The following PTPRO variants were observed in gnomAD, a reference collection of about 807,000 sequenced individuals.
The protein encoded by PTPRO is receptor-type tyrosine-protein phosphatase O.
In PTPRO, 62 loss-of-function variants were observed where a neutral mutation model predicts 145.2. That is an observed-to-expected ratio of 0.43 (90% confidence interval 0.35 to 0.53). The LOEUF (loss-of-function observed/expected upper bound fraction) is 0.53, where lower values mean the gene tolerates loss of function less well. Ranked by LOEUF, PTPRO falls within the 20% of genes least tolerant of loss-of-function variation. PTPRO has a pLI of 0.01. For missense variants in PTPRO, 1,345 were observed against 1,482.7 expected (o/e 0.91, Z 1.53); for synonymous variants, 565 against 514.7 (o/e 1.10, Z -1.32).
chr12:15,511,752 G>A (rs534494615), intron 7 of PTPRO, among the ~76,000 whole-genome samples: 1 of 152,262 alleles, frequency 6.6e-6, no homozygotes, highest in Non-Finnish European at 1.5e-5. Context: ...TTTTAGTTGA[G>A]ACGGGGTTTC....
chr12:15,397,228 C>G (rs933653286), intron 1 of PTPRO, among the ~76,000 whole-genome samples: 1 of 152,108 alleles, frequency 6.6e-6, no homozygotes, highest in Admixed American at 6.6e-5. Flanking sequence ...ATTTATATTT[C>G]TAACAACTGT....
intron 1 of PTPRO, among the ~76,000 whole-genome samples, chr12:15,430,766 T>A (rs1027703862): frequency 3.3e-5 from 5 of 152,210 alleles, no homozygotes; most frequent in Admixed American, 2.0e-4. Flanking sequence ...AATGCAATGT[T>A]AATTAGCTTG....
intron 1 of PTPRO, among the ~76,000 whole-genome samples, chr12:15,401,277 C>T (rs562419479): frequency 8.5e-5 from 13 of 152,258 alleles, no homozygotes; most frequent in Admixed American, 4.6e-4. Context: ...CTTCCACTTA[C>T]GAATCACTGC....
At chr12:15,490,455 C>G (rs1429809357) in intron 2 of PTPRO, among the ~76,000 whole-genome samples, 1 of 152,094 alleles carries the variant, frequency 6.6e-6, no homozygotes, top group Non-Finnish European at 1.5e-5. Flanking sequence ...TTTATAGACA[C>G]CAAAATTTTA....
At position 15,443,446 on chromosome 12, in the gene PTPRO, A is replaced by G. The variant is rs532475037; in HGVS notation, c.76-40528A>G. ...ATCTGGACATCGGCCTGGGGAAAGTATTGATGACTAAATTCTCAAAAGCAA... is the reference window on the plus strand; with the variant it reads ...ATCTGGACATCGGCCTGGGGAAAGTGTTGATGACTAAATTCTCAAAAGCAA... On this transcript the variant is annotated intron_variant, in intron 1 of 26. Transcript: ENST00000281171. Among the ~76,000 whole-genome samples the G allele has an allele frequency of 3.3e-5, 5 of 152,198 alleles. No individual in the cohort carries two copies. The South Asian group carries it at 8.3e-4, about 25-fold the overall frequency.
chr12:15,439,979 G>A lies in PTPRO; in HGVS notation c.76-43995G>A, dbSNP rs138404937. On this transcript the variant is annotated intron_variant, in intron 1 of 26. Coordinates refer to ENST00000281171, the MANE Select transcript of PTPRO (RefSeq NM_030667.3). ...CAAGGAGGTGGCCACTGCCATCTGCGGGGCCATCATCCTGGCCAAGCTCTC... is the reference window on the plus strand; with the variant it reads ...CAAGGAGGTGGCCACTGCCATCTGCAGGGCCATCATCCTGGCCAAGCTCTC... 929 of 684,742 alleles carry A rather than the reference G, an allele frequency of 1.4e-3. 5 individuals are homozygous for A. Among genetic ancestry groups the A allele is most frequent in the African/African-American group, 0.013 (739 of 57,098 alleles). 42.4% of individuals were successfully genotyped at this position (684,742 alleles called of 1,614,324 possible).
At chr12:15,595,424 C>A (rs1944639619) in intron 26 of PTPRO, 1 of 288,866 alleles carries the variant, frequency 3.5e-6, no homozygotes, top group Non-Finnish European at 6.8e-6. Context: ...TTATTGATTA[C>A]AAGGGCTGTA....
chr12:15,453,507 A>G (rs1248586012), intron 1 of PTPRO, among the ~76,000 whole-genome samples: 6 of 152,216 alleles, frequency 3.9e-5, no homozygotes, highest in Admixed American at 3.9e-4. Flanking sequence ...ATAATATAAC[A>G]TAGCAGATAA....
intron 1 of PTPRO, among the ~76,000 whole-genome samples, chr12:15,377,023 C>G (rs1223844839): frequency 6.6e-6 from 1 of 151,824 alleles, no homozygotes; most frequent in African/African-American, 2.4e-5. Flanking sequence ...TTATAATGTA[C>G]AAAGATGTAA....
Position 15,560,284 on chromosome 12 carries a change from A to G in PTPRO, c.2711+8A>G. 2.0e-6 allele frequency: 3 copies of G among 1,532,716 alleles called. No individual in the cohort carries two copies. The highest frequency in any genetic ancestry group is 2.7e-6 in the Non-Finnish European group (3 of 1,109,012). The allele number at this position is 1,532,716 out of a possible 1,614,324, so 94.9% of individuals were successfully genotyped here. On this transcript the variant is annotated splice_region_variant and intron_variant, in intron 17 of 26. Transcript: ENST00000281171. ...ATTTTATATTAATCCTTGGTAAGTG[A>G]TTTTTTTTTACTGTTTAACACAAAC...
At chr12:15,525,342 C>T (rs1252603077) in intron 11 of PTPRO, among the ~76,000 whole-genome samples, 2 of 152,096 alleles carry the variant, frequency 1.3e-5, no homozygotes, top group Admixed American at 6.5e-5. Context: ...CTCCAAAATA[C>T]GCTTTTGGAT....
chr12:15,328,476 C>G (rs1866512078), intron 1 of PTPRO, among the ~76,000 whole-genome samples: 1 of 152,078 alleles, frequency 6.6e-6, no homozygotes, highest in East Asian at 1.9e-4. Flanking sequence ...CGGGGATTTC[C>G]TGATAAAAGG....
chr12:15,390,865 T>G (rs564184126), intron 1 of PTPRO, among the ~76,000 whole-genome samples: 3 of 152,068 alleles, frequency 2.0e-5, no homozygotes. Flanking sequence ...CAACAGCAAT[T>G]TATTTCTCAC....
intron 1 of PTPRO, among the ~76,000 whole-genome samples, chr12:15,438,059 C>G (rs1940649665): frequency 6.6e-6 from 1 of 152,078 alleles, no homozygotes; most frequent in Admixed American, 6.6e-5. Flanking sequence ...CTTCACAGCC[C>G]AATATAAAAC....
chr12:15,577,827 T>G (rs1340944186), intron 19 of PTPRO, among the ~76,000 whole-genome samples: 1 of 151,598 alleles, frequency 6.6e-6, no homozygotes, highest in African/African-American at 2.4e-5. Context: ...ACCGTTCATA[T>G]AGACCACAAT....
chr12:15,412,256 A>G (rs1206204761), intron 1 of PTPRO, among the ~76,000 whole-genome samples: 1 of 152,246 alleles, frequency 6.6e-6, no homozygotes, highest in Non-Finnish European at 1.5e-5. Flanking sequence ...ACATTTTTCA[A>G]TACTTTGTAA....
At chr12:15,361,255 G>A (rs1363685759) in intron 1 of PTPRO, among the ~76,000 whole-genome samples, 1 of 151,456 alleles carries the variant, frequency 6.6e-6, no homozygotes, top group Non-Finnish European at 1.5e-5. Flanking sequence ...GGCCAGCATG[G>A]TGAAAACCCA....
chr12:15,449,939 G>A (rs920816875), intron 1 of PTPRO, among the ~76,000 whole-genome samples: 4 of 152,154 alleles, frequency 2.6e-5, no homozygotes, highest in South Asian at 2.1e-4. Context: ...TACCTCCAAG[G>A]CTCCTTTTAA....
In PTPRO at chr12:15,516,157, A is replaced by AT. The variant is rs534323729; in HGVS notation, c.1585+545dup. ...AGGTACATGCCACCATGCCTGGCTA[A>AT]TTTTTTGTATTTTTAGTAGAGACGG... is the stretch of plus-strand genomic sequence containing the variant. On this transcript the variant is annotated intron_variant, in intron 8 of 26. Transcript: ENST00000281171. 2.8e-4 allele frequency among the ~76,000 whole-genome samples: 42 copies of AT among 150,378 alleles called. No homozygotes were observed. In the South Asian group the frequency reaches 4.0e-3, roughly 14 times the overall value.
Sources: allele counts gnomAD v4.1 joint callset (sites outside exome capture counted in the v4.1 genomes callset), GRCh38; gene constraint gnomAD v4.1.1; transcripts MANE v1.5; gene names NCBI Gene and HGNC (gene_info 2026-07-23, HGNC 2026-07-21).